Variants in MS4A6E observed in about 807,000 individuals in gnomAD.
MS4A6E encodes the protein membrane spanning 4-domains A6E.
MS4A6E carries 8 observed loss-of-function variants against 13.2 expected under a neutral mutation model. The ratio of observed to expected loss-of-function variants is 0.60; its 90% CI spans 0.35 to 1.09. The LOEUF is 1.09. Among genes scored for constraint, MS4A6E ranks in the 50% least tolerant of loss-of-function variants. The probability of loss-of-function intolerance (pLI) is 0.02; values close to 1 mark genes in which losing one functional copy is unlikely to be tolerated. For synonymous variants in MS4A6E, 72 were observed against 67.6 expected (o/e 1.06, Z -0.32); for missense variants, 177 against 171.1 (o/e 1.03, Z -0.19).
chr11:60,338,899 G>A (rs978473950), intron 3 of MS4A6E, among the ~76,000 whole-genome samples: 1 of 152,178 alleles, frequency 6.6e-6, no homozygotes, highest in African/African-American at 2.4e-5. Context: ...TGCAAATGAG[G>A]CTGACAGTAA....
At chr11:60,331,260 A>G (rs2085154311) in intron 1 of MS4A6E, among the ~76,000 whole-genome samples, 1 of 152,038 alleles carries the variant, frequency 6.6e-6, no homozygotes, top group South Asian at 2.1e-4. Flanking sequence ...AATCCAATAT[A>G]TAGTTCTTAT....
At chr11:60,338,266 G>C (rs185422891) in intron 3 of MS4A6E, among the ~76,000 whole-genome samples, 24 of 152,336 alleles carry the variant, frequency 1.6e-4, no homozygotes, top group Admixed American at 9.8e-4. Context: ...TTGGTACATA[G>C]AGTGGTGAAT....
In MS4A6E at chr11:60,338,222, A is replaced by G. The variant is rs533540179; in HGVS notation, c.354+275A>G. 2.0e-4 allele frequency among the ~76,000 whole-genome samples: 31 copies of G among 152,354 alleles called. No individual in the cohort carries two copies. The East Asian group carries it at 4.0e-3, about 20-fold the overall frequency. ...AATTACTCAACTAATCTAATTTTGG[A>G]GGCATAAATTATGAGTTTGTCAAAC... On this transcript the variant is annotated intron_variant, in intron 3 of 4. Coordinates refer to ENST00000684409, the MANE Select transcript of MS4A6E (RefSeq NM_139249.4).
At chr11:60,328,166 G>A (rs1339896880) in intron 1 of MS4A6E, among the ~76,000 whole-genome samples, 1 of 152,108 alleles carries the variant, frequency 6.6e-6, no homozygotes, top group Non-Finnish European at 1.5e-5. Context: ...AGGATGTTTG[G>A]TGAAATAAAT....
At chr11:60,332,231 C>G (rs902059670) in intron 1 of MS4A6E, among the ~76,000 whole-genome samples, 1 of 152,224 alleles carries the variant, frequency 6.6e-6, no homozygotes, top group African/African-American at 2.4e-5. Context: ...ATCTCATCCT[C>G]TATTCTCAGC....
At chr11:60,328,492 T>A (rs1367997513) in intron 1 of MS4A6E, among the ~76,000 whole-genome samples, 7 of 151,622 alleles carry the variant, frequency 4.6e-5, no homozygotes. Context: ...AAGTGCTAAG[T>A]TTTTATTGAC....
chr11:60,329,450 C>T (rs2085140401), intron 1 of MS4A6E, among the ~76,000 whole-genome samples: 1 of 152,196 alleles, frequency 6.6e-6, no homozygotes, highest in South Asian at 2.1e-4. Flanking sequence ...CTGCGATAAA[C>T]ATACGTGTGT....
intron 3 of MS4A6E, chr11:60,338,376 G>T: frequency 5.6e-6 from 1 of 177,292 alleles, no homozygotes; most frequent in Non-Finnish European, 1.2e-5. Context: ...GGTCTAAAAA[G>T]ACATCAGACT....
chr11:60,341,830 G>T (rs1339009930), downstream of MS4A6E, among the ~76,000 whole-genome samples: 1 of 151,962 alleles, frequency 6.6e-6, no homozygotes, highest in Non-Finnish European at 1.5e-5. Context: ...GTTTCATTAG[G>T]TCTTCTCCCT....
intron 4 of MS4A6E, among the ~76,000 whole-genome samples, chr11:60,348,070 T>C (rs914649092): frequency 2.0e-5 from 3 of 152,072 alleles, no homozygotes; most frequent in Admixed American, 6.6e-5. Context: ...GCAGAAGAGG[T>C]TTCTTTAAAA....
In MS4A6E at chr11:60,339,900, T is replaced by C; in HGVS notation, c.389T>C (p.Leu130Ser). 2 of 1,613,884 alleles carry C rather than the reference T, an allele frequency of 1.2e-6. No homozygotes were observed. The highest frequency in any genetic ancestry group is 1.7e-6 in the Non-Finnish European group (2 of 1,179,788). ...TLSLMLVSTV[L>S]EFCLAVLTAV... ...TCTCTGATGCTGGTTTCTACTGTGT[T>C]GGAGTTCTGCCTAGCTGTGCTCACT... The change falls in exon 4 of 5, where the codon TTG (leucine) becomes TCG (serine). Residue 130 changes from leucine to serine, a missense_variant. By Grantham distance (145) the Leu-to-Ser change is moderately radical. Transcript: ENST00000684409.
chr11:60,344,620 T>C (rs907740381), downstream of MS4A6E, among the ~76,000 whole-genome samples: 2 of 152,210 alleles, frequency 1.3e-5, no homozygotes, highest in African/African-American at 2.4e-5. Flanking sequence ...GTAGCCATCC[T>C]GAGAGCTGGA....
intron 1 of MS4A6E, among the ~76,000 whole-genome samples, chr11:60,333,320 G>A (rs2085168660): frequency 6.6e-6 from 1 of 152,226 alleles, no homozygotes; most frequent in Admixed American, 6.5e-5. Context: ...GGAGAGATAA[G>A]TGGAGGAGTT....
chr11:60,341,758 C>CT, downstream of MS4A6E, among the ~76,000 whole-genome samples: 1 of 152,292 alleles, frequency 6.6e-6, no homozygotes, highest in East Asian at 1.9e-4. Context: ...TTTCTCTGCT[C>CT]TTTTTTTCCA....
chr11:60,329,680 C>G (rs989819041), intron 1 of MS4A6E, among the ~76,000 whole-genome samples: 2 of 152,168 alleles, frequency 1.3e-5, no homozygotes, highest in Middle Eastern at 3.2e-3. Context: ...TTAATGATCA[C>G]TATTCTAATT....
chr11:60,343,403 T>C (rs1044295764), downstream of MS4A6E, among the ~76,000 whole-genome samples: 42 of 152,178 alleles, frequency 2.8e-4, no homozygotes, highest in African/African-American at 9.6e-4. Context: ...TTAGACAGAA[T>C]ATTACAGCAA....
chr11:60,330,335 C>CT (rs71036576), intron 1 of MS4A6E, among the ~76,000 whole-genome samples: 1,205 of 61,082 alleles, frequency 0.02, 105 homozygotes, highest in African/African-American at 0.031. Flanking sequence ...AATTTTGGCT[C>CT]TTTTTTTTTT....
At chr11:60,342,204 G>C (rs76877532), downstream of MS4A6E, among the ~76,000 whole-genome samples, 2 of 98,198 alleles carry the variant, frequency 2.0e-5, no homozygotes, top group Non-Finnish European at 4.0e-5. Context: ...AGAGAGAGGG[G>C]GGGGGAGAGA....
chr11:60,328,325 GT>G, intron 1 of MS4A6E, among the ~76,000 whole-genome samples: 1 of 152,258 alleles, frequency 6.6e-6, no homozygotes, highest in South Asian at 2.1e-4. Context: ...ATAAAAGGCT[GT>G]TCAAGAAAGA....
Sources: gnomAD v4.1 joint callset for allele counts (sites outside exome capture counted in the v4.1 genomes callset) on GRCh38, gnomAD v4.1.1 for gene constraint, MANE v1.5 for transcripts, NCBI Gene and HGNC (gene_info 2026-07-23, HGNC 2026-07-21) for gene names.